Variants in NMD3 observed in about 807,000 individuals in gnomAD.
NMD3 encodes NMD3 ribosome export adaptor.
A neutral mutation model predicts 73.1 loss-of-function variants in NMD3; 47 were observed. The ratio of observed to expected loss-of-function variants is 0.64; its 90% confidence interval spans 0.51 to 0.82. The LOEUF (loss-of-function observed/expected upper bound fraction) is 0.82, where lower values mean the gene tolerates loss of function less well. Ranked by LOEUF, NMD3 falls within the 40% of genes least tolerant of loss-of-function variation. The pLI, the probability that NMD3 is intolerant of heterozygous loss-of-function variation, is 0.00. For missense variants in NMD3, 554 were observed against 612.5 expected (o/e 0.90, Z 1.01); for synonymous variants, 210 against 194.5 (o/e 1.08, Z -0.66).
chr3:161,224,914 C>A lies in NMD3; in HGVS notation c.45-16C>A. Reference sequence around the variant, plus strand: ...TAAAAATCTAATGTGAAAAATTTATCCTTTATTTATTAAAGCTTGTGCTGT... The same window carrying A: ...TAAAAATCTAATGTGAAAAATTTATACTTTATTTATTAAAGCTTGTGCTGT... On this transcript the variant is annotated splice_polypyrimidine_tract_variant and intron_variant, in intron 2 of 15. Coordinates refer to ENST00000351193, the MANE Select transcript of NMD3 (RefSeq NM_015938.5). 6.5e-7 allele frequency: 1 copy of A among 1,545,290 alleles called. No homozygotes were observed.
Position 161,226,144 on chromosome 3 carries a change from C to A in NMD3, c.179+1080C>A, listed in dbSNP as rs114234706. Among the ~76,000 whole-genome samples, 649 of 151,984 alleles carry A rather than the reference C, an allele frequency of 4.3e-3. 5 individuals carry two copies. The highest frequency in any genetic ancestry group is 0.014 in the African/African-American group (598 of 41,470). ...GGTTTTATTAGGTGATATGTGAAGCCCTTTCTAACTCTAAACGTTTACTCA... is the reference window on the plus strand; with the variant it reads ...GGTTTTATTAGGTGATATGTGAAGCACTTTCTAACTCTAAACGTTTACTCA... On this transcript the variant is annotated intron_variant, in intron 3 of 15. Transcript: ENST00000351193.
At chr3:161,236,744 A>T (rs80335083) in intron 7 of NMD3, among the ~76,000 whole-genome samples, 3,629 of 152,194 alleles carry the variant, frequency 0.024, 88 homozygotes, top group Middle Eastern at 0.044. Context: ...TTTTGTGCAG[A>T]GTGTGAGATA....
intron 11 of NMD3, among the ~76,000 whole-genome samples, chr3:161,243,189 C>T (rs189671981): frequency 1.8e-4 from 27 of 152,130 alleles, no homozygotes; most frequent in African/African-American, 6.5e-4. Flanking sequence ...ATTGTTTTTT[C>T]CTATACATAC....
intron 4 of NMD3, 135 bp from the exon 5 acceptor site, chr3:161,233,264 A>G (rs1045131203): frequency 6.4e-6 from 3 of 468,032 alleles, no homozygotes; most frequent in African/African-American, 4.0e-5. Flanking sequence ...TTTTTTTGTG[A>G]TGATGGTGTG....
At chr3:161,238,239 GAT>G (rs758421916) in intron 8 of NMD3, 48 bp downstream of exon 8, 2 of 1,117,660 alleles carry the variant, frequency 1.8e-6, no homozygotes, top group African/African-American at 3.2e-5. Flanking sequence ...CTTGGGAATG[GAT>G]GCGGATCACA....
chr3:161,246,882 A>T (rs1157528583), intron 12 of NMD3, among the ~76,000 whole-genome samples: 2 of 150,830 alleles, frequency 1.3e-5, no homozygotes, highest in Non-Finnish European at 2.9e-5. Context: ...TAAACCCTCA[A>T]ATATTGCTTT....
chr3:161,224,973 A>T lies in NMD3; in HGVS notation c.88A>T (p.Asn30Tyr), dbSNP rs1736254549. 1.9e-6 allele frequency: 3 copies of T among 1,613,772 alleles called. No individual in the cohort carries two copies. Among genetic ancestry groups the T allele is most frequent in the East Asian group, 4.5e-5 (2 of 44,846 alleles). The change falls in exon 3 of 16, where the codon AAT becomes TAT. Residue 30 changes from asparagine to tyrosine, a missense_variant. By Grantham distance (143) the Asn-to-Tyr change is moderately radical. Transcript: ENST00000351193. ...CGVPISPNPA[N>Y]ICVACLRSKV... ...TGTTCCGATAAGTCCAAATCCTGCC[A>T]ATATTTGTGTGGCCTGTTTGCGAAG...
At chr3:161,234,140 T>A (rs1173026838) in intron 5 of NMD3, among the ~76,000 whole-genome samples, 4 of 152,064 alleles carry the variant, frequency 2.6e-5, no homozygotes, top group Admixed American at 6.5e-5. Context: ...GTTTTCCTTA[T>A]TTTTTTCTTC....
Position 161,246,403 on chromosome 3 carries a change from G to C in NMD3, c.1085G>C (p.Arg362Pro). The change falls in exon 12 of 16, where the codon CGT becomes CCT. Residue 362 changes from arginine to proline, a missense_variant. Coordinates refer to ENST00000351193, the MANE Select transcript of NMD3 (RefSeq NM_015938.5). ...AATACAGATAAACAGTATTTTTGTCGTACTCATTTGGGACATCTTCTAAAT... is the reference window on the plus strand; with the variant it reads ...AATACAGATAAACAGTATTTTTGTCCTACTCATTTGGGACATCTTCTAAAT... Reference protein sequence around the residue: ...EMNTDKQYFCRTHLGHLLNPG... With the variant: ...EMNTDKQYFCPTHLGHLLNPG... 6.6e-7 allele frequency: 1 copy of C among 1,523,486 alleles called. No homozygotes were observed. Among genetic ancestry groups the C allele is most frequent in the Non-Finnish European group, 9.0e-7 (1 of 1,116,888 alleles). 94.4% of individuals were successfully genotyped at this position (1,523,486 alleles called of 1,614,324 possible). A position where few individuals can be genotyped will look rare whatever the true frequency, so the allele number is the denominator to read the frequency against.
At chr3:161,252,633 TC>T, downstream of NMD3, 1 of 480,964 alleles carries the variant, frequency 2.1e-6, no homozygotes, top group African/African-American at 2.0e-5. Context: ...GTCTTGTGGG[TC>T]CCCCAGTATT....
Position 161,233,467 on chromosome 3 carries a change from T to G in NMD3, c.345T>G (p.Thr115=), listed in dbSNP as rs1736621070. ...PHSKRLKVKL[T]IQKEVMNGAI... ...CTAAGAGACTTAAAGTTAAACTGAC[T>G]ATTCAGAAAGAGGTAAGCAGTACAT... Residue 115 remains threonine, a synonymous_variant, in exon 5 of 16, where the codon ACT becomes ACG. Coordinates refer to ENST00000351193, the MANE Select transcript of NMD3 (RefSeq NM_015938.5). 6.2e-7 allele frequency: 1 copy of G among 1,602,628 alleles called. No homozygotes were observed. The highest frequency in any genetic ancestry group is 1.7e-5 in the Admixed American group (1 of 59,450).
chr3:161,238,532 A>T (rs1736854915), intron 8 of NMD3, among the ~76,000 whole-genome samples, 198 bp from the exon 9 acceptor site: 1 of 152,186 alleles, frequency 6.6e-6, no homozygotes, highest in African/African-American at 2.4e-5. Context: ...GAAAAGGTTC[A>T]AAATAGGTAG....
At chr3:161,241,466 G>A (rs1214289510) in intron 10 of NMD3, among the ~76,000 whole-genome samples, 2 of 148,316 alleles carry the variant, frequency 1.3e-5, no homozygotes, top group Admixed American at 1.4e-4. Context: ...TATTGCCCAG[G>A]CTGGTGTGCA....
intron 7 of NMD3, among the ~76,000 whole-genome samples, chr3:161,237,062 T>C (rs1205635732): frequency 6.6e-6 from 1 of 152,178 alleles, no homozygotes; most frequent in Non-Finnish European, 1.5e-5. Context: ...TTATATTTAG[T>C]TATTTGCAAG....
At chr3:161,232,872 C>A (rs1198180460) in intron 4 of NMD3, among the ~76,000 whole-genome samples, 1 of 151,630 alleles carries the variant, frequency 6.6e-6, no homozygotes, top group Non-Finnish European at 1.5e-5. Flanking sequence ...CAGATCTTCA[C>A]ATATAGCAAA....
At chr3:161,238,938 A>G (rs539556259) in intron 9 of NMD3, 112 bp downstream of exon 9, 2 of 556,042 alleles carry the variant, frequency 3.6e-6, no homozygotes, top group South Asian at 2.5e-5. Flanking sequence ...AAAATTTAGA[A>G]TAAGTTCCTT....
Position 161,250,341 on chromosome 3 carries a change from A to G in NMD3, c.1381+15A>G. 6.6e-7 allele frequency: 1 copy of G among 1,514,876 alleles called. No homozygotes were observed. Among genetic ancestry groups the G allele is most frequent in the South Asian group, 1.1e-5 (1 of 88,006 alleles). The allele number at this position is 1,514,876 out of a possible 1,614,324, so 93.8% of individuals were successfully genotyped here. A position where few individuals can be genotyped will look rare whatever the true frequency, so the allele number is the denominator to read the frequency against. On this transcript the variant is annotated intron_variant, in intron 15 of 15. Coordinates refer to ENST00000351193, the MANE Select transcript of NMD3 (RefSeq NM_015938.5). ...CATTTACAGAGGTTGGTGTTCTAGG[A>G]GTGTTTAAGTCATTTGTTCTGTATA...
chr3:161,235,152 G>T lies in NMD3; in HGVS notation c.517G>T (p.Glu173Ter). 1 of 1,545,640 alleles carries T rather than the reference G, an allele frequency of 6.5e-7. No individual in the cohort carries two copies. The highest frequency in any genetic ancestry group is 8.9e-7 in the Non-Finnish European group (1 of 1,129,902). Residue 173 changes from glutamate (E) to a stop codon, truncating the protein, a stop_gained, in exon 7 of 16, where the codon GAA (glutamate) becomes TAA (stop). Transcript: ENST00000351193. LOFTEE classifies it high-confidence loss of function. ...GCATAAAAAAACTTTCTACTATCTG[G>T]AACAGTTAATTCTGAAATATGGAAT... ...TLHKKTFYYL[E>*]QLILKYGMHQ...
At chr3:161,230,900 C>T (rs1193902981) in intron 4 of NMD3, among the ~76,000 whole-genome samples, 2 of 151,996 alleles carry the variant, frequency 1.3e-5, no homozygotes, top group Admixed American at 6.5e-5. Context: ...GAGGAGAGAG[C>T]GGAAGATATG....
Sources: gnomAD v4.1 joint callset for allele counts (sites outside exome capture counted in the v4.1 genomes callset) on GRCh38, gnomAD v4.1.1 for gene constraint, MANE v1.5 for transcripts, NCBI Gene and HGNC (gene_info 2026-07-23, HGNC 2026-07-21) for gene names.